Variants in DNAH8 observed in about 807,000 individuals in gnomAD.
The protein encoded by DNAH8 is dynein axonemal heavy chain 8.
In DNAH8, 382 loss-of-function variants were observed where a neutral mutation model predicts 562.1. The observed-to-expected ratio is 0.68, with a 90% CI of 0.63 to 0.74. The LOEUF (loss-of-function observed/expected upper bound fraction) is 0.74, where lower values mean the gene tolerates loss of function less well. DNAH8 is among the 30% of genes least tolerant of loss of function. The pLI is 0.00. For synonymous variants in DNAH8, 1,881 were observed against 1,919.4 expected (o/e 0.98, Z 0.52); for missense variants, 5,203 against 5,620.4 (o/e 0.93, Z 2.37).
At chr6:38,969,039 A>G (rs1763163412) in intron 82 of DNAH8, among the ~76,000 whole-genome samples, 1 of 152,158 alleles carries the variant, frequency 6.6e-6, no homozygotes, top group Non-Finnish European at 1.5e-5. Context: ...AAGACCATAT[A>G]TTGCATAATT....
At position 39,002,812 on chromosome 6, in the gene DNAH8, G is replaced by A. The variant is rs927325825; in HGVS notation, c.13215-6002G>A. ...ATATGAAGCTAATATTCCAACTCTG[G>A]ATGGAGTTACAAACACTTGCTAGAT... On this transcript the variant is annotated intron_variant, in intron 88 of 92. Coordinates refer to ENST00000327475, the MANE Select transcript of DNAH8 (RefSeq NM_001206927.2). Among the ~76,000 whole-genome samples, 7 of 152,106 alleles carry A rather than the reference G, an allele frequency of 4.6e-5. No homozygotes were observed. The East Asian group carries it at 1.3e-3, about 29-fold the overall frequency.
At chr6:38,808,469 A>T (rs988973796) in intron 24 of DNAH8, among the ~76,000 whole-genome samples, 1 of 152,146 alleles carries the variant, frequency 6.6e-6, no homozygotes, top group East Asian at 1.9e-4. Context: ...TTTATGGGCC[A>T]TTTGTTGTTT....
intron 30 of DNAH8, among the ~76,000 whole-genome samples, chr6:38,830,916 G>A (rs753263088): frequency 6.6e-6 from 1 of 152,088 alleles, no homozygotes; most frequent in Non-Finnish European, 1.5e-5. Flanking sequence ...ATTTAGGAAG[G>A]ATAATTTTTT....
chr6:38,872,604 C>T lies in DNAH8; in HGVS notation c.7059C>T (p.Thr2353=), dbSNP rs1261691626. ...GGCCCAGTGGTTCTGGAAAGACAAC[C>T]GTTATCACGATTCTAATGAAGGCGC... ...TLGPSGSGKT[T]VITILMKAQT... Residue 2353 remains threonine, a synonymous_variant, in exon 50 of 93, where the codon ACC becomes ACT. Coordinates refer to ENST00000327475, the MANE Select transcript of DNAH8 (RefSeq NM_001206927.2). The T allele has an allele frequency of 4.3e-6, 7 of 1,614,008 alleles. No homozygotes were observed. In the South Asian group the frequency reaches 5.5e-5, roughly 13 times the overall value.
At chr6:38,863,516 C>G (rs913413002) in intron 44 of DNAH8, among the ~76,000 whole-genome samples, 13 of 151,986 alleles carry the variant, frequency 8.6e-5, no homozygotes, top group African/African-American at 3.1e-4. Context: ...ACAACAACAA[C>G]AACAACAAAC....
chr6:38,749,358 ACTGGAGC>A (rs1483433340), intron 8 of DNAH8, among the ~76,000 whole-genome samples: 1 of 152,016 alleles, frequency 6.6e-6, no homozygotes, highest in African/African-American at 2.4e-5. Context: ...AACATCACAC[ACTGGAGC>A]CTGTCAGGGG....
intron 28 of DNAH8, 24 bp downstream of exon 28, chr6:38,823,712 T>C (rs1562909626): frequency 6.4e-7 from 1 of 1,551,636 alleles, no homozygotes; most frequent in Admixed American, 1.7e-5. Flanking sequence ...GTTTATTATG[T>C]AAAGTATCTG....
At chr6:38,951,056 C>T (rs1761870076) in intron 81 of DNAH8, among the ~76,000 whole-genome samples, 1 of 152,148 alleles carries the variant, frequency 6.6e-6, no homozygotes, top group African/African-American at 2.4e-5. Context: ...CAGCCCCTAC[C>T]ATGTGTTGGA....
chr6:38,999,777 AAGAT>A (rs139628518), intron 88 of DNAH8, among the ~76,000 whole-genome samples: 4,405 of 151,708 alleles, frequency 0.029, 205 homozygotes, highest in African/African-American at 0.1. Flanking sequence ...GATAGATAGA[AAGAT>A]AGATATTTCT....
intron 33 of DNAH8, among the ~76,000 whole-genome samples, chr6:38,841,530 C>G (rs1175795436): frequency 6.6e-6 from 1 of 152,152 alleles, no homozygotes; most frequent in East Asian, 1.9e-4. Flanking sequence ...GAATGTCAAT[C>G]CTTATAAATA....
intron 52 of DNAH8, among the ~76,000 whole-genome samples, 173 bp downstream of exon 52, chr6:38,873,549 T>G (rs1347358228): frequency 2.0e-5 from 3 of 152,282 alleles, no homozygotes; most frequent in Middle Eastern, 3.4e-3. Flanking sequence ...TTAATGATCT[T>G]ACTGTTTTCT....
intron 88 of DNAH8, among the ~76,000 whole-genome samples, chr6:38,998,164 G>A (rs553174147): frequency 4.5e-4 from 68 of 152,182 alleles, no homozygotes; most frequent in Non-Finnish European, 7.5e-4. Context: ...AGAGAAGAGG[G>A]AGATTTGGGC....
chr6:39,014,244 T>C (rs535920205), intron 91 of DNAH8, among the ~76,000 whole-genome samples: 8 of 152,336 alleles, frequency 5.3e-5, no homozygotes, highest in East Asian at 1.9e-4. Context: ...ATTTCACTTA[T>C]CTATTTTTCT....
intron 92 of DNAH8, among the ~76,000 whole-genome samples, chr6:39,027,279 A>T (rs1767361097): frequency 6.6e-6 from 1 of 152,088 alleles, no homozygotes; most frequent in Non-Finnish European, 1.5e-5. Context: ...ATCTCCAGCT[A>T]CTGCTGTGGG....
At chr6:38,757,805 C>T (rs13196567) in intron 10 of DNAH8, among the ~76,000 whole-genome samples, 14,003 of 152,140 alleles carry the variant, frequency 0.092, 839 homozygotes, top group East Asian at 0.22. Context: ...TTGTTTTTGT[C>T]AGGTTTGTCA....
At chr6:38,842,308 A>G in intron 33 of DNAH8, 60 bp from the exon 34 acceptor site, 1 of 1,403,036 alleles carries the variant, frequency 7.1e-7, no homozygotes, top group Non-Finnish European at 9.8e-7. Flanking sequence ...CTGCCTTTCC[A>G]ATAATGGACT....
At chr6:38,809,798 C>T (rs1771631950) in intron 24 of DNAH8, among the ~76,000 whole-genome samples, 1 of 152,106 alleles carries the variant, frequency 6.6e-6, no homozygotes, top group African/African-American at 2.4e-5. Context: ...TCGGTCAGTT[C>T]TTGTTTTATG....
chr6:38,894,086 C>T lies in DNAH8; in HGVS notation c.8584-615C>T, dbSNP rs567473579. 2.6e-4 allele frequency among the ~76,000 whole-genome samples: 39 copies of T among 152,218 alleles called. No homozygotes were observed. The South Asian group carries it at 7.3e-3, about 28-fold the overall frequency. ...AACAGAAAAAACATCTATTACTATA[C>T]GTATAGCTGCATGTCAGACTTGCCT... On this transcript the variant is annotated intron_variant, in intron 58 of 92. Coordinates refer to ENST00000327475, the MANE Select transcript of DNAH8 (RefSeq NM_001206927.2).
At chr6:38,760,327 C>G (rs1766363363) in intron 10 of DNAH8, among the ~76,000 whole-genome samples, 1 of 152,082 alleles carries the variant, frequency 6.6e-6, no homozygotes, top group Admixed American at 6.6e-5. Flanking sequence ...CAATCATTGT[C>G]TAGTATTCAG....
Sources: gnomAD v4.1 joint callset for allele counts (sites outside exome capture counted in the v4.1 genomes callset) on GRCh38, gnomAD v4.1.1 for gene constraint, MANE v1.5 for transcripts, NCBI Gene and HGNC (gene_info 2026-07-23, HGNC 2026-07-21) for gene names.